The following LAMP1 variants were observed in gnomAD, a reference collection of about 807,000 sequenced individuals.
LAMP1 encodes lysosome-associated membrane glycoprotein 1.
In LAMP1, 7 loss-of-function variants were observed where a neutral mutation model predicts 37.5. That is an observed-to-expected ratio of 0.19 (90% CI 0.11 to 0.35). LAMP1 has a LOEUF of 0.35. Among genes scored for constraint, LAMP1 ranks in the 10% least tolerant of loss-of-function variants. The pLI is 1.00. For missense variants in LAMP1, 537 were observed against 552.8 expected (o/e 0.97, Z 0.29); for synonymous variants, 236 against 229.1 (o/e 1.03, Z -0.27).
At position 113,322,294 on chromosome 13, in the gene LAMP1, T is replaced by C. The variant is rs1194194282; in HGVS notation, c.1127T>C (p.Leu376Pro). The C allele has an allele frequency of 6.2e-7, 1 of 1,612,764 alleles. No homozygotes were observed. Among genetic ancestry groups the C allele is most frequent in the East Asian group, 2.2e-5 (1 of 44,848 alleles). Reference protein sequence around the residue: ...GGQFGSVEECLLDENSMLIPI... With the variant: ...GGQFGSVEECPLDENSMLIPI... ...TCTGTCTTGGCAGTGGAGGAGTGTC[T>C]GCTGGACGAGAACAGCATGCTGATC... Residue 376 changes from leucine to proline, a missense_variant, in exon 9 of 9, where the codon CTG becomes CCG. Transcript: ENST00000332556.
chr13:113,297,297 C>T lies in LAMP1; in HGVS notation c.-138C>T, dbSNP rs2042547361. On this transcript the variant is annotated 5_prime_UTR_variant, in exon 1 of 9. Transcript: ENST00000332556. This position sits in a 1 kb window ranked among gnomAD's most constrained non-coding sequence, Gnocchi z 4.4. ...TCGTGCCGGCGTCGCAGTGGCCGGG[C>T]CTCTTGCGTCTGGTAACGCCGCTGT... The T allele has an allele frequency of 5.6e-6, 1 of 177,536 alleles. No homozygotes were observed. Among genetic ancestry groups the T allele is most frequent in the Non-Finnish European group, 1.2e-5 (1 of 85,386 alleles). 11.0% of individuals were successfully genotyped at this position (177,536 alleles called of 1,614,324 possible). A position where few individuals can be genotyped will look rare whatever the true frequency, so the allele number is the denominator to read the frequency against.
chr13:113,306,726 A>G (rs2139360600), intron 2 of LAMP1, 120 bp downstream of exon 2: 3 of 1,113,330 alleles, frequency 2.7e-6, no homozygotes, highest in East Asian at 5.3e-5. Context: ...CTATCTGCAT[A>G]TCTCCTTCTG....
chr13:113,306,375 G>A (rs1380626107), intron 1 of LAMP1, 110 bp from the exon 2 acceptor site: 5 of 1,184,952 alleles, frequency 4.2e-6, no homozygotes, highest in East Asian at 5.1e-5. Flanking sequence ...AAGAGAAACA[G>A]TGGAATCTTG....
Position 113,309,708 on chromosome 13 carries a change from G to GAACA in LAMP1, c.250_253dup (p.Thr85LysfsTer4). Reference sequence around the variant, plus strand: ...TCAACCGCAGCTCCTGTGGAAAAGAGAACACTTCTGACCCCAGTCTCGTGA... The same window carrying GAACA: ...TCAACCGCAGCTCCTGTGGAAAAGAGAACAAACACTTCTGACCCCAGTCTCGTGA... On this transcript the variant is annotated frameshift_variant, in exon 3 of 9. Coordinates refer to ENST00000332556, the MANE Select transcript of LAMP1 (RefSeq NM_005561.4). LOFTEE classifies it high-confidence loss of function. 6.2e-7 allele frequency: 1 copy of GAACA among 1,614,196 alleles called. No individual in the cohort carries two copies. Among genetic ancestry groups the GAACA allele is most frequent in the Non-Finnish European group, 8.5e-7 (1 of 1,180,036 alleles).
In LAMP1 at chr13:113,305,126, T is replaced by A. The variant is rs540195283; in HGVS notation, c.62-1359T>A. 6.6e-5 allele frequency: 10 copies of A among 152,364 alleles called. No homozygotes were observed. The South Asian group carries it at 2.1e-3, about 32-fold the overall frequency. The allele number at this position is 152,364 out of a possible 1,614,324, so 9.4% of individuals were successfully genotyped here. ...AATGAGTCGGATTCATTGGAATCCA[T>A]TACTTTTCCAGGGAATAGGATTTTA... On this transcript the variant is annotated intron_variant, in intron 1 of 8. Transcript: ENST00000332556.
intron 1 of LAMP1, among the ~76,000 whole-genome samples, chr13:113,300,040 C>G (rs2042562456): frequency 6.6e-6 from 1 of 152,148 alleles, no homozygotes. Flanking sequence ...TGTTTGAATA[C>G]TTAGAAAGCT....
intron 3 of LAMP1, 59 bp downstream of exon 3, chr13:113,309,921 A>G (rs1266103872): frequency 7.9e-6 from 11 of 1,399,796 alleles, no homozygotes; most frequent in African/African-American, 2.8e-5. Flanking sequence ...AGGATTGTCT[A>G]AAGTTACTTT....
chr13:113,316,933 A>T (rs569417687), intron 4 of LAMP1, among the ~76,000 whole-genome samples: 2 of 152,160 alleles, frequency 1.3e-5, no homozygotes, highest in African/African-American at 4.8e-5. Flanking sequence ...CCCTCAGGAC[A>T]GGTGAAAGGG....
In LAMP1 at chr13:113,320,682, T is replaced by C. The variant is rs564847705; in HGVS notation, c.876+212T>C. 87 of 572,664 alleles carry C rather than the reference T, an allele frequency of 1.5e-4. 2 individuals are homozygous for C. The Middle Eastern group carries it at 2.9e-3, about 19-fold the overall frequency. The allele number at this position is 572,664 out of a possible 1,614,324, so 35.5% of individuals were successfully genotyped here. ...CAGCAGATGATGTGGGCGGGGCTGC[T>C]GTGCCCACAGTTGGAGTGGCTGCAG... is the stretch of plus-strand genomic sequence containing the variant. On this transcript the variant is annotated intron_variant, in intron 6 of 8. Coordinates refer to ENST00000332556, the MANE Select transcript of LAMP1 (RefSeq NM_005561.4). The surrounding 1 kb of genome is among the most constrained non-coding windows in gnomAD (Gnocchi z 4.4).
At chr13:113,299,110 A>G (rs2042557357) in intron 1 of LAMP1, among the ~76,000 whole-genome samples, 1 of 152,200 alleles carries the variant, frequency 6.6e-6, no homozygotes, top group Non-Finnish European at 1.5e-5. Context: ...ACTGCACTCC[A>G]GCCTGGGCAA....
rs74628343 is a variant in LAMP1 at position 113,306,530 on chromosome 13, G to A, written c.107G>A (p.Gly36Asp). 1,171 of 1,614,076 alleles carry A rather than the reference G, an allele frequency of 7.3e-4. 15 individuals carry two copies. In the East Asian group the frequency reaches 0.022, roughly 30 times the overall value. The change falls in exon 2 of 9, where the codon GGC becomes GAC. Residue 36 changes from glycine to aspartate, a missense_variant. Transcript: ENST00000332556. ...ASAAMFMVKN[G>D]NGTACIMANF... ...GCAGCAATGTTTATGGTGAAAAATG[G>A]CAACGGGACCGCGTGCATAATGGCC...
intron 2 of LAMP1, 118 bp downstream of exon 2, chr13:113,306,724 A>C: frequency 8.8e-7 from 1 of 1,142,486 alleles, no homozygotes; most frequent in South Asian, 1.5e-5. Context: ...TCCTATCTGC[A>C]TATCTCCTTC....
rs1048060496 is a variant in LAMP1 at position 113,323,262 on chromosome 13, G to A, written c.*841G>A. Reference sequence around the variant, plus strand: ...TTATTTTTATTTTTATTTGTAAAGTGATTTTTGGTCTTCTGTTGACATTCG... The same window carrying A: ...TTATTTTTATTTTTATTTGTAAAGTAATTTTTGGTCTTCTGTTGACATTCG... On this transcript the variant is annotated 3_prime_UTR_variant, in exon 9 of 9. Transcript: ENST00000332556. 1.3e-5 allele frequency: 2 copies of A among 151,950 alleles called. No homozygotes were observed. Among genetic ancestry groups the A allele is most frequent in the South Asian group, 4.1e-4 (2 of 4,822 alleles). 9.4% of individuals were successfully genotyped at this position (151,950 alleles called of 1,614,324 possible).
At chr13:113,310,583 A>ATT (rs570984891) in intron 3 of LAMP1, 126 bp from the exon 4 acceptor site, 4 of 743,206 alleles carry the variant, frequency 5.4e-6, no homozygotes, top group Non-Finnish European at 8.1e-6. Flanking sequence ...TGCAATTGTG[A>ATT]TTTTTTTTTT....
At chr13:113,316,168 G>T (rs2042662743) in intron 4 of LAMP1, among the ~76,000 whole-genome samples, 1 of 152,190 alleles carries the variant, frequency 6.6e-6, no homozygotes, top group African/African-American at 2.4e-5. Flanking sequence ...AGCTCTGCCT[G>T]AGGCTGGAGT....
rs2042713589 is a variant in LAMP1 at position 113,322,936 on chromosome 13, T to C, written c.*515T>C. ...GTTTAGGGTTCTGGTGTTTGGTTTC[T>C]TCATTCTTTACTGCACTCAGATTTA... On this transcript the variant is annotated 3_prime_UTR_variant, in exon 9 of 9. Coordinates refer to ENST00000332556, the MANE Select transcript of LAMP1 (RefSeq NM_005561.4). 6.3e-6 allele frequency: 1 copy of C among 157,490 alleles called. No homozygotes were observed. Among genetic ancestry groups the C allele is most frequent in the African/African-American group, 2.4e-5 (1 of 41,452 alleles). The allele number at this position is 157,490 out of a possible 1,614,324, so 9.8% of individuals were successfully genotyped here. A position where few individuals can be genotyped will look rare whatever the true frequency, so the allele number is the denominator to read the frequency against.
At chr13:113,300,822 A>G (rs2139354717) in intron 1 of LAMP1, among the ~76,000 whole-genome samples, 2 of 152,324 alleles carry the variant, frequency 1.3e-5, no homozygotes, top group East Asian at 3.9e-4. Flanking sequence ...TCAAAAAAAC[A>G]AAGAAAAAAA....
intron 3 of LAMP1, 107 bp downstream of exon 3, chr13:113,309,969 C>A: frequency 1.2e-6 from 1 of 865,868 alleles, no homozygotes; most frequent in Admixed American, 2.0e-5. Flanking sequence ...TGGCTCACAC[C>A]TGTAATCCTA....
Position 113,320,326 on chromosome 13 carries a change from G to A in LAMP1, c.751-19G>A. ...AGGACCTGAGCTAGGGTGGTGACTT[G>A]CTTGCTTGTCTTATGCAGACGGTGA... On this transcript the variant is annotated intron_variant, in intron 5 of 8. Coordinates refer to ENST00000332556, the MANE Select transcript of LAMP1 (RefSeq NM_005561.4). The surrounding 1 kb of genome is among the most constrained non-coding windows in gnomAD (Gnocchi z 4.4). 2 of 1,613,984 alleles carry A rather than the reference G, an allele frequency of 1.2e-6. No homozygotes were observed. The highest frequency in any genetic ancestry group is 4.5e-5 in the East Asian group (2 of 44,890).
Sources: gnomAD v4.1 joint callset for allele counts (sites outside exome capture counted in the v4.1 genomes callset) on GRCh38, gnomAD v4.1.1 for gene constraint, Gnocchi (gnomAD v3.1) non-coding constraint, MANE v1.5 for transcripts, NCBI Gene and HGNC (gene_info 2026-07-23, HGNC 2026-07-21) for gene names.